The following PPFIBP2 variants were observed in gnomAD, a reference collection of about 807,000 sequenced individuals.
PPFIBP2 encodes the protein liprin-beta-2.
PPFIBP2 carries 118 observed loss-of-function variants against 118.3 expected under a neutral mutation model. The ratio of observed to expected loss-of-function variants is 1.00; its 90% CI spans 0.86 to 1.16. The LOEUF (loss-of-function observed/expected upper bound fraction) is 1.16, where lower values mean the gene tolerates loss of function less well. PPFIBP2 is among the 50% of genes most tolerant of loss of function. PPFIBP2 has a pLI of 0.00. For missense variants in PPFIBP2, 1,195 were observed against 1,073.1 expected, an observed-to-expected ratio of 1.11 and a Z score of -1.59; for synonymous variants, 414 against 397.4, an observed-to-expected ratio of 1.04 and a Z score of -0.50.
downstream of PPFIBP2, among the ~76,000 whole-genome samples, chr11:7,661,160 T>C (rs1167646224): frequency 4.6e-5 from 7 of 151,364 alleles, no homozygotes; most frequent in East Asian, 1.9e-4. Flanking sequence ...AGTTCTGCTC[T>C]GATTTTAGTT....
At chr11:7,635,439 A>G (rs910097970) in intron 13 of PPFIBP2, 113 bp from the exon 14 acceptor site, 1 of 961,644 alleles carries the variant, frequency 1.0e-6, no homozygotes, top group African/African-American at 1.6e-5. Context: ...ATGTGGAGGG[A>G]GGGGATGCGC....
chr11:7,599,467 A>G lies in PPFIBP2; in HGVS notation c.486+1794A>G, dbSNP rs140844150. ...GTGCTGGCTTCTCTGAGCCTTCTCT[A>G]CATAGCTCTCTATGACAGTGTTTCT... is the stretch of plus-strand genomic sequence containing the variant. On this transcript the variant is annotated intron_variant, in intron 5 of 23. Coordinates refer to ENST00000299492, the MANE Select transcript of PPFIBP2 (RefSeq NM_003621.5). Among the ~76,000 whole-genome samples the G allele has an allele frequency of 8.5e-5, 13 of 152,244 alleles. No homozygotes were observed. In the East Asian group the frequency reaches 1.9e-3, roughly 23 times the overall value.
rs544297915 is a variant in PPFIBP2, at chr11:7,653,632, G to C, written c.*414G>C. On this transcript the variant is annotated 3_prime_UTR_variant, in exon 24 of 24. Transcript: ENST00000299492. The stretch of plus-strand genomic sequence containing the variant: ...AAGTGCCTTAGGCCCGTGGACCACA[G>C]TCTTGGCTGAGATCAAAGGGATGAG... The C allele has an allele frequency of 1.5e-6, 2 of 1,294,512 alleles. No homozygotes were observed. Among genetic ancestry groups the C allele is most frequent in the South Asian group, 2.5e-5 (2 of 81,076 alleles). 80.2% of individuals were successfully genotyped at this position (1,294,512 alleles called of 1,614,324 possible).
rs781029377 is a variant in PPFIBP2 at position 7,593,255 on chromosome 11, C to G, written c.372+31C>G. 8 of 1,610,180 alleles carry G rather than the reference C, an allele frequency of 5.0e-6. No homozygotes were observed. The African/African-American group carries it at 9.4e-5, about 19-fold the overall frequency. On this transcript the variant is annotated intron_variant, in intron 4 of 23. Coordinates refer to ENST00000299492, the MANE Select transcript of PPFIBP2 (RefSeq NM_003621.5). Reference sequence around the variant, plus strand: ...TACTTTTTGGTGAGAATCGGCTTATCCTGTTACCTCCTACTATGTAGCTTC... The same window carrying G: ...TACTTTTTGGTGAGAATCGGCTTATGCTGTTACCTCCTACTATGTAGCTTC...
chr11:7,556,342 C>A (rs1198275543), intron 2 of PPFIBP2, among the ~76,000 whole-genome samples: 2 of 152,122 alleles, frequency 1.3e-5, no homozygotes, highest in Non-Finnish European at 2.9e-5. Context: ...GTAGTCCCAG[C>A]TACTCGGGAG....
At position 7,651,717 on chromosome 11, in the gene PPFIBP2, A is replaced by G. The variant is rs142986100; in HGVS notation, c.2309A>G (p.Lys770Arg). Residue 770 changes from lysine to arginine, a missense_variant, in exon 23 of 24, where the codon AAG becomes AGG. Coordinates refer to ENST00000299492, the MANE Select transcript of PPFIBP2 (RefSeq NM_003621.5). ...LAMLLNIPPQ[K>R]TLLRRHLTTK... Reference sequence around the variant, plus strand: ...ATGCTTCTCAACATCCCCCCACAAAAGACGCTCCTCAGGCGCCACCTGACC... The same window carrying G: ...ATGCTTCTCAACATCCCCCCACAAAGGACGCTCCTCAGGCGCCACCTGACC... 61 of 1,613,752 alleles carry G rather than the reference A, an allele frequency of 3.8e-5. No individual in the cohort carries two copies. Among genetic ancestry groups the G allele is most frequent in the Non-Finnish European group, 4.9e-5 (58 of 1,179,780 alleles).
intron 1 of PPFIBP2, among the ~76,000 whole-genome samples, chr11:7,527,387 A>G (rs1850324413): frequency 6.6e-6 from 1 of 152,024 alleles, no homozygotes; most frequent in Non-Finnish European, 1.5e-5. Context: ...GAACTGGCCC[A>G]TTGGATCTGG....
intron 4 of PPFIBP2, 66 bp from the exon 5 acceptor site, chr11:7,597,494 T>G (rs1590462017): frequency 6.5e-7 from 1 of 1,527,186 alleles, no homozygotes. Flanking sequence ...TCCCCTGAGG[T>G]GGGGAGGCTT....
intron 3 of PPFIBP2, chr11:7,577,001 C>T (rs1420382451): frequency 6.8e-6 from 1 of 146,366 alleles, no homozygotes; most frequent in East Asian, 1.9e-4. Context: ...TAGTCTTCTC[C>T]CCAGTCCCAA....
chr11:7,665,315 T>C, the PPFIBP2 span: 1 of 1,369,704 alleles, frequency 7.3e-7, no homozygotes, highest in Non-Finnish European at 9.8e-7. Flanking sequence ...GTGGTGAAAT[T>C]GAACTTACTC....
chr11:7,605,922 C>T, intron 5 of PPFIBP2: 1 of 1,523,790 alleles, frequency 6.6e-7, no homozygotes, highest in Non-Finnish European at 8.7e-7. Flanking sequence ...CCTGTTGGAG[C>T]TGAGGTCAAA....
At chr11:7,575,266 C>T (rs572346751) in intron 3 of PPFIBP2, among the ~76,000 whole-genome samples, 1 of 152,314 alleles carries the variant, frequency 6.6e-6, no homozygotes, top group South Asian at 2.1e-4. Flanking sequence ...AAATCAGACA[C>T]ACTTCTGACA....
Position 7,653,344 on chromosome 11 carries a change from C to G in PPFIBP2, c.*126C>G, listed in dbSNP as rs546902258. On this transcript the variant is annotated 3_prime_UTR_variant, in exon 24 of 24. Coordinates refer to ENST00000299492, the MANE Select transcript of PPFIBP2 (RefSeq NM_003621.5). Reference sequence around the variant, plus strand: ...CAGAGAATATTCCAGCAATTGTGTACCCCTGGGCCAGTCTCTTTGAACCCT... The same window carrying G: ...CAGAGAATATTCCAGCAATTGTGTAGCCCTGGGCCAGTCTCTTTGAACCCT... 1.9e-5 allele frequency: 29 copies of G among 1,498,220 alleles called. No homozygotes were observed. The African/African-American group carries it at 3.5e-4, about 18-fold the overall frequency. 92.8% of individuals were successfully genotyped at this position (1,498,220 alleles called of 1,614,324 possible).
At chr11:7,605,186 T>C (rs1847192190) in intron 5 of PPFIBP2, among the ~76,000 whole-genome samples, 1 of 152,252 alleles carries the variant, frequency 6.6e-6, no homozygotes, top group Non-Finnish European at 1.5e-5. Flanking sequence ...CAGTTTATCC[T>C]TGGAAAGGAA....
At chr11:7,518,709 G>A (rs1362097190) in intron 1 of PPFIBP2, among the ~76,000 whole-genome samples, 1 of 152,164 alleles carries the variant, frequency 6.6e-6, no homozygotes, top group African/African-American at 2.4e-5. Context: ...AGGGTCGTCT[G>A]GAAATGAACC....
chr11:7,534,483 G>T (rs760999066), intron 1 of PPFIBP2, among the ~76,000 whole-genome samples: 63 of 152,112 alleles, frequency 4.1e-4, no homozygotes, highest in Admixed American at 6.5e-5. Context: ...ACGTCCATTT[G>T]TTCCTCCCTG....
chr11:7,621,606 A>G (rs773123113), intron 7 of PPFIBP2, among the ~76,000 whole-genome samples: 4 of 152,158 alleles, frequency 2.6e-5, no homozygotes, highest in Admixed American at 6.5e-5. Flanking sequence ...TTCTTTTCCT[A>G]TACTAAAGTG....
intron 5 of PPFIBP2, among the ~76,000 whole-genome samples, chr11:7,604,560 C>CCA (rs140184325): frequency 0.017 from 2,624 of 150,312 alleles, 77 homozygotes; most frequent in African/African-American, 0.06. Context: ...CACACACACC[C>CCA]CACACACACA....
intron 1 of PPFIBP2, among the ~76,000 whole-genome samples, chr11:7,530,261 A>G (rs1266937649): frequency 6.6e-6 from 1 of 151,798 alleles, no homozygotes; most frequent in African/African-American, 2.4e-5. Flanking sequence ...TATCCATTAC[A>G]TAGTAACCTG....
Sources: allele counts gnomAD v4.1 joint callset (sites outside exome capture counted in the v4.1 genomes callset), GRCh38; gene constraint gnomAD v4.1.1; transcripts MANE v1.5; gene names NCBI Gene and HGNC (gene_info 2026-07-23, HGNC 2026-07-21).